The following ADGRB2 variants were observed in gnomAD, a reference collection of about 807,000 sequenced individuals.
The protein encoded by ADGRB2 is brain-specific angiogenesis inhibitor 2.
In ADGRB2, 47 loss-of-function variants were observed where a neutral mutation model predicts 178.7. The ratio of observed to expected loss-of-function variants is 0.26; its 90% CI spans 0.21 to 0.34. The LOEUF (loss-of-function observed/expected upper bound fraction) is 0.34. Ranked by LOEUF, ADGRB2 falls within the 10% of genes least tolerant of loss-of-function variation. The probability of loss-of-function intolerance (pLI) is 1.00; values close to 1 mark genes in which losing one functional copy is unlikely to be tolerated. For synonymous variants in ADGRB2, 870 were observed against 912.4 expected, an observed-to-expected ratio of 0.95 and a Z score of 0.84; for missense variants, 1,584 against 2,180.8, an observed-to-expected ratio of 0.73 and a Z score of 5.45.
In ADGRB2 at chr1:31,744,791, G is replaced by A; in HGVS notation, c.839-60C>T. The A allele has an allele frequency of 6.4e-7, 1 of 1,557,004 alleles. No individual in the cohort carries two copies. Among genetic ancestry groups the A allele is most frequent in the Non-Finnish European group, 8.9e-7 (1 of 1,129,602 alleles). ...AGGCCAGCTAGGTTCTGTTACAGTG[G>A]CACAGTGAAGGCAGCCTTCCTTGCC... On this transcript the variant is annotated intron_variant, in intron 4 of 32. Coordinates refer to ENST00000373658, the MANE Select transcript of ADGRB2 (RefSeq NM_001364857.2). The surrounding 1 kb of genome is among the most constrained non-coding windows in gnomAD (Gnocchi z 6.7).
Position 31,735,482 on chromosome 1 carries a change from C to A in ADGRB2, c.3353+98G>T, listed in dbSNP as rs1348499988. The A allele has an allele frequency of 6.9e-7, 1 of 1,458,550 alleles. No homozygotes were observed. 90.4% of individuals were successfully genotyped at this position (1,458,550 alleles called of 1,614,324 possible). The stretch of plus-strand genomic sequence containing the variant: ...TTGATGCACCAAGGTTGGGGAGCCC[C>A]GGTCGCATCATCGAGCCCTGAGTCT... On this transcript the variant is annotated intron_variant, in intron 24 of 32. Coordinates refer to ENST00000373658, the MANE Select transcript of ADGRB2 (RefSeq NM_001364857.2). The surrounding 1 kb of genome is among the most constrained non-coding windows in gnomAD (Gnocchi z 6.0).
chr1:31,729,464 C>T (rs368708794), intron 29 of ADGRB2, among the ~76,000 whole-genome samples: 15 of 152,322 alleles, frequency 9.8e-5, no homozygotes, highest in African/African-American at 3.6e-4. Context: ...TTCTGTAATA[C>T]TAGGCACTCA....
At chr1:31,736,480 C>T (rs1569830270) in intron 21 of ADGRB2, 90 bp from the exon 22 acceptor site, 2 of 1,600,614 alleles carry the variant, frequency 1.2e-6, no homozygotes, top group East Asian at 4.5e-5. Context: ...GACCCCTGTG[C>T]CCAGAGAGCT....
chr1:31,742,184 C>T lies in ADGRB2; in HGVS notation c.1286G>A (p.Gly429Asp), dbSNP rs964125431. 4 of 1,610,318 alleles carry T rather than the reference C, an allele frequency of 2.5e-6. No individual in the cohort carries two copies. In the Admixed American group the frequency reaches 6.7e-5, roughly 27 times the overall value. The change falls in exon 8 of 33, where the codon GGC (glycine) becomes GAC (aspartate). Residue 429 changes from glycine (G) to aspartate (D), a missense_variant. Gly to Asp is a moderately conservative substitution (Grantham distance 94). This residue lies in a region of ADGRB2 where 657 missense variants were observed against 847.6 expected (regional missense o/e 0.78). Coordinates refer to ENST00000373658, the MANE Select transcript of ADGRB2 (RefSeq NM_001364857.2). ...ATTGGCACAGGACGTGGAGCATGGGCCCCAGGGACCCCATTCTAACCACTG... is the reference window on the plus strand; with the variant it reads ...ATTGGCACAGGACGTGGAGCATGGGTCCCAGGGACCCCATTCTAACCACTG... The part of the protein sequence containing the change: ...EGQWLEWGPW[G>D]PCSTSCANGT...
chr1:31,727,682 C>A lies in ADGRB2; in HGVS notation c.4573-77G>T. On this transcript the variant is annotated intron_variant, in intron 32 of 32. Transcript: ENST00000373658. The surrounding 1 kb of genome is among the most constrained non-coding windows in gnomAD (Gnocchi z 4.4). ...TGTACAGACGATCAAACTGAGGAGT[C>A]CCAGAGAGGGCTGGTAATGCCCAAA... 1 of 1,380,846 alleles carries A rather than the reference C, an allele frequency of 7.2e-7. No individual in the cohort carries two copies. The allele number at this position is 1,380,846 out of a possible 1,614,324, so 85.5% of individuals were successfully genotyped here.
chr1:31,735,334 G>A lies in ADGRB2; in HGVS notation c.3354-53C>T. The A allele has an allele frequency of 1.6e-6, 2 of 1,244,074 alleles. No homozygotes were observed. Among genetic ancestry groups the A allele is most frequent in the African/African-American group, 1.5e-5 (1 of 67,068 alleles). The allele number at this position is 1,244,074 out of a possible 1,614,324, so 77.1% of individuals were successfully genotyped here. A position where few individuals can be genotyped will look rare whatever the true frequency, so the allele number is the denominator to read the frequency against. On this transcript the variant is annotated intron_variant, in intron 24 of 32. Transcript: ENST00000373658. The surrounding 1 kb of genome is among the most constrained non-coding windows in gnomAD (Gnocchi z 6.0). ...GGAGGGGAAACACATGGGAAGCCGG[G>A]AGATGGGGCAGAATGAGCCCCGAGT...
intron 15 of ADGRB2, 136 bp from the exon 16 acceptor site, chr1:31,739,073 C>T: frequency 1.1e-6 from 1 of 871,832 alleles, no homozygotes. Context: ...CAGTGGGGTC[C>T]AGGACTTCAG....
In ADGRB2 at chr1:31,764,168, C is replaced by A; in HGVS notation, c.-475G>T. ...CCCCCCGCTCCCCCGCTCCCCCGCC[C>A]CGAGCACCGCCCGCGCCGCGCGCCG... On this transcript the variant is annotated 5_prime_UTR_variant, in exon 1 of 33. Coordinates refer to ENST00000373658, the MANE Select transcript of ADGRB2 (RefSeq NM_001364857.2). This position sits in a 1 kb window ranked among gnomAD's most constrained non-coding sequence, Gnocchi z 7.3. 1.9e-6 allele frequency: 1 copy of A among 537,530 alleles called. No homozygotes were observed. The highest frequency in any genetic ancestry group is 7.6e-5 in the South Asian group (1 of 13,180). The allele number at this position is 537,530 out of a possible 1,614,324, so 33.3% of individuals were successfully genotyped here.
At chr1:31,737,558 G>C in intron 19 of ADGRB2, 27 bp from the exon 20 acceptor site, 1 of 1,611,650 alleles carries the variant, frequency 6.2e-7, no homozygotes, top group South Asian at 1.1e-5. Context: ...GGCAGGGACA[G>C]AGGCGCTGGC....
At chr1:31,736,503 A>G (rs1645615188) in intron 21 of ADGRB2, 70 bp downstream of exon 21, 3 of 1,599,210 alleles carry the variant, frequency 1.9e-6, no homozygotes, top group Non-Finnish European at 1.7e-6. Flanking sequence ...GCCAGGGCCA[A>G]AGCTGAACCT....
In ADGRB2 at chr1:31,756,423, C is replaced by A. The variant is rs142592980; in HGVS notation, c.414G>T (p.Gly138=). 3.4e-4 allele frequency: 554 copies of A among 1,612,428 alleles called. 2 individuals are homozygous for A. The African/African-American group carries it at 6.7e-3, about 20-fold the overall frequency. The change falls in exon 4 of 33, where the codon GGG becomes GGT. Residue 138 remains glycine (G), a synonymous_variant. Transcript: ENST00000373658. This position sits in a 1 kb window ranked among gnomAD's most constrained non-coding sequence, Gnocchi z 8.5. ...GGCCTGAGCCGCTGCACAGCTCCAACCCCGCTGCCGCCTCTGCCTCCTCCT... is the reference window on the plus strand; with the variant it reads ...GGCCTGAGCCGCTGCACAGCTCCAAACCCGCTGCCGCCTCTGCCTCCTCCT... ...PEEEEAEAAA[G]LELCSGSGPF...
At position 31,732,561 on chromosome 1, in the gene ADGRB2, C is replaced by G. The variant is rs200969192; in HGVS notation, c.3676G>C (p.Glu1226Gln). Residue 1226 changes from glutamate to glutamine, a missense_variant, in exon 27 of 33, where the codon GAA (glutamate) becomes CAA (glutamine). Around this residue, in one of 3 missense-constraint regions of ADGRB2, gnomAD observed 865 missense variants for 1,192.8 expected, o/e 0.73. Transcript: ENST00000373658. The part of the protein sequence containing the change: ...QMGVCRADES[E>Q]DSPDSCKNGQ... ...TTCTTACACGAGTCAGGGGAGTCTT[C>G]GCTCTCATCAGCCCGGCACACCCCC... 5.6e-5 allele frequency: 90 copies of G among 1,614,066 alleles called. No homozygotes were observed. Among genetic ancestry groups the G allele is most frequent in the Non-Finnish European group, 7.4e-5 (87 of 1,180,042 alleles).
rs1282012285 is a variant in ADGRB2 at position 31,754,465 on chromosome 1, T to C, written c.838+1534A>G. Among the ~76,000 whole-genome samples the C allele has an allele frequency of 6.6e-6, 1 of 152,266 alleles. No individual in the cohort carries two copies. On this transcript the variant is annotated intron_variant, in intron 4 of 32. Transcript: ENST00000373658. The surrounding 1 kb of genome is among the most constrained non-coding windows in gnomAD (Gnocchi z 5.7). ...AGGAAGAGCCATAAGCCTCCTGATA[T>C]ACGCCTGGCGTTCTCCGCCGATGTT...
chr1:31,734,223 G>A (rs1469608339), intron 25 of ADGRB2, among the ~76,000 whole-genome samples: 1 of 152,190 alleles, frequency 6.6e-6, no homozygotes, highest in Non-Finnish European at 1.5e-5. Flanking sequence ...TCTCTACCAG[G>A]CCCTACACTG....
At position 31,756,427 on chromosome 1, in the gene ADGRB2, G is replaced by T. The variant is rs373774455; in HGVS notation, c.410C>A (p.Ala137Glu). ...RPEEEEAEAAAGLELCSGSGP... is the reference protein window; with the variant it reads ...RPEEEEAEAAEGLELCSGSGP... ...TGAGCCGCTGCACAGCTCCAACCCC[G>T]CTGCCGCCTCTGCCTCCTCCTCTTC... is the stretch of plus-strand genomic sequence containing the variant. The change falls in exon 4 of 33, where the codon GCG becomes GAG. Residue 137 changes from alanine (A) to glutamate (E), a missense_variant. Around this residue, in one of 3 missense-constraint regions of ADGRB2, gnomAD observed 657 missense variants for 847.6 expected, o/e 0.78. Coordinates refer to ENST00000373658, the MANE Select transcript of ADGRB2 (RefSeq NM_001364857.2). This position sits in a 1 kb window ranked among gnomAD's most constrained non-coding sequence, Gnocchi z 8.5. 1 of 1,612,064 alleles carries T rather than the reference G, an allele frequency of 6.2e-7. No homozygotes were observed. Among genetic ancestry groups the T allele is most frequent in the Non-Finnish European group, 8.5e-7 (1 of 1,179,388 alleles).
chr1:31,752,111 C>T (rs1646604754), intron 4 of ADGRB2, among the ~76,000 whole-genome samples: 1 of 152,174 alleles, frequency 6.6e-6, no homozygotes, highest in East Asian at 1.9e-4. Context: ...TGGCCTTGAC[C>T]ACCACTGTCC....
In ADGRB2 at chr1:31,744,361, CGA is replaced by C; in HGVS notation, c.923-6_923-5del. On this transcript the variant is annotated splice_polypyrimidine_tract_variant and splice_region_variant and intron_variant, in intron 5 of 32. Coordinates refer to ENST00000373658, the MANE Select transcript of ADGRB2 (RefSeq NM_001364857.2). This position sits in a 1 kb window ranked among gnomAD's most constrained non-coding sequence, Gnocchi z 6.7. ...CACTCCTCAGCCGCCGGGTCGCCTACGAGAGAGGGACAGCGTCGGCGGCAGGG... is the reference window on the plus strand; with the variant it reads ...CACTCCTCAGCCGCCGGGTCGCCTACGAGAGGGACAGCGTCGGCGGCAGGG... 3 of 1,550,188 alleles carry C rather than the reference CGA, an allele frequency of 1.9e-6. No individual in the cohort carries two copies. The highest frequency in any genetic ancestry group is 2.6e-6 in the Non-Finnish European group (3 of 1,146,766).
chr1:31,751,716 T>C (rs1646581605), intron 4 of ADGRB2, among the ~76,000 whole-genome samples: 1 of 152,148 alleles, frequency 6.6e-6, no homozygotes, highest in African/African-American at 2.4e-5. Context: ...AATGATACAA[T>C]TGAAAGAGAA....
chr1:31,739,829 G>A, intron 14 of ADGRB2, 97 bp downstream of exon 14: 3 of 1,289,638 alleles, frequency 2.3e-6, no homozygotes, highest in Non-Finnish European at 3.3e-6. Context: ...GTAGAATGTG[G>A]ACAGAAAGAT....
Sources: allele counts gnomAD v4.1 joint callset (sites outside exome capture counted in the v4.1 genomes callset), GRCh38; gene constraint gnomAD v4.1.1; regional missense constraint gnomAD v4.1.1; non-coding constraint Gnocchi (gnomAD v3.1); transcripts MANE v1.5; gene names NCBI Gene and HGNC (gene_info 2026-07-23, HGNC 2026-07-21).